Variants in LRBA observed in about 807,000 individuals in gnomAD.
The protein encoded by LRBA is LPS responsive beige-like anchor protein, also known as lipopolysaccharide-responsive and beige-like anchor protein.
Under a neutral mutation model 330.0 loss-of-function variants are expected in LRBA, and 176 were observed. The observed-to-expected ratio is 0.53, with a 90% CI of 0.47 to 0.60. The LOEUF (loss-of-function observed/expected upper bound fraction) is 0.60. Ranked by LOEUF, LRBA falls within the 20% of genes least tolerant of loss-of-function variation. LRBA has a pLI of 0.00. For missense variants in LRBA, 3,259 were observed against 3,444.8 expected (o/e 0.95, Z 1.35); for synonymous variants, 1,230 against 1,193.0 (o/e 1.03, Z -0.64).
intron 47 of LRBA, among the ~76,000 whole-genome samples, chr4:150,357,607 A>G (rs1738041034): frequency 6.6e-6 from 1 of 151,818 alleles, no homozygotes; most frequent in Non-Finnish European, 1.5e-5. Context: ...CAACATACAG[A>G]TATGCTAAAC....
intron 2 of LRBA, among the ~76,000 whole-genome samples, chr4:150,930,686 G>A (rs531342103): frequency 6.6e-6 from 1 of 152,218 alleles, no homozygotes; most frequent in South Asian, 2.1e-4. Flanking sequence ...GAAAAAAATG[G>A]AAATGAACAA....
intron 36 of LRBA, among the ~76,000 whole-genome samples, chr4:150,716,409 G>A (rs1728210363): frequency 6.6e-6 from 1 of 152,210 alleles, no homozygotes; most frequent in East Asian, 1.9e-4. Context: ...AAAGAAAATA[G>A]GGTAAAAAAT....
At chr4:150,411,656 G>A (rs924179620) in intron 47 of LRBA, among the ~76,000 whole-genome samples, 5 of 152,180 alleles carry the variant, frequency 3.3e-5, no homozygotes, top group Non-Finnish European at 7.3e-5. Context: ...GCTATGAGAA[G>A]CCGAAGTATC....
At chr4:150,971,975 C>T (rs1739631799) in intron 2 of LRBA, among the ~76,000 whole-genome samples, 1 of 152,056 alleles carries the variant, frequency 6.6e-6, no homozygotes, top group Non-Finnish European at 1.5e-5. Context: ...GTATAATGTA[C>T]CTCCATTCCA....
At chr4:150,894,697 C>G (rs1271638118) in intron 16 of LRBA, among the ~76,000 whole-genome samples, 1 of 152,146 alleles carries the variant, frequency 6.6e-6, no homozygotes, top group Non-Finnish European at 1.5e-5. Context: ...AGCTAGGACA[C>G]TGAATCATTG....
intron 40 of LRBA, among the ~76,000 whole-genome samples, chr4:150,540,708 A>G (rs1765226771): frequency 6.6e-6 from 1 of 152,190 alleles, no homozygotes; most frequent in Non-Finnish European, 1.5e-5. Context: ...CAACTCAGTG[A>G]TATACATGTG....
chr4:150,385,274 T>G (rs1284997237), intron 47 of LRBA, among the ~76,000 whole-genome samples: 1 of 152,126 alleles, frequency 6.6e-6, no homozygotes, highest in East Asian at 1.9e-4. Flanking sequence ...CAACTCTTTA[T>G]GTAAAAGCAC....
chr4:150,457,573 T>C (rs1478616442), intron 44 of LRBA, among the ~76,000 whole-genome samples: 1 of 151,850 alleles, frequency 6.6e-6, no homozygotes, highest in Non-Finnish European at 1.5e-5. Context: ...AAGATAAGAA[T>C]CAGAAGTTGA....
chr4:150,742,571 A>T (rs1031245177), intron 35 of LRBA, among the ~76,000 whole-genome samples: 1 of 152,144 alleles, frequency 6.6e-6, no homozygotes, highest in Non-Finnish European at 1.5e-5. Flanking sequence ...TCCACAGGGC[A>T]CTTGCCTCAC....
chr4:150,275,133 A>G (rs1429794294), intron 56 of LRBA, among the ~76,000 whole-genome samples: 1 of 152,228 alleles, frequency 6.6e-6, no homozygotes. Context: ...ACATACACAA[A>G]TCAATAAAAG....
intron 50 of LRBA, among the ~76,000 whole-genome samples, chr4:150,316,167 T>A (rs1481453755): frequency 6.6e-6 from 1 of 152,172 alleles, no homozygotes; most frequent in Non-Finnish European, 1.5e-5. Flanking sequence ...ATGTTTTAGT[T>A]AAATGCATTT....
rs768404321 is a variant in LRBA at position 150,652,814 on chromosome 4, G to A, written c.5921+30737C>T. ...AACCATACTAGACTGCACAGTAATC[G>A]AGACTTGATCAAATTGAGGTTAGAC... On this transcript the variant is annotated intron_variant, in intron 37 of 56. Transcript: ENST00000651943. Among the ~76,000 whole-genome samples the A allele has an allele frequency of 5.9e-5, 9 of 152,084 alleles. 1 individual carries two copies. The highest frequency in any genetic ancestry group is 4.2e-4 in the South Asian group (2 of 4,816).
chr4:150,953,775 G>A lies in LRBA; in HGVS notation c.217-24710C>T, dbSNP rs576052439. On this transcript the variant is annotated intron_variant, in intron 2 of 56. Coordinates refer to ENST00000651943, the MANE Select transcript of LRBA (RefSeq NM_001364905.1). ...AGTGCCAAGATTGCAGCCTCTGCCCGGCCGCCACCCCGTCTAGGAAGTGAG... is the reference window on the plus strand; with the variant it reads ...AGTGCCAAGATTGCAGCCTCTGCCCAGCCGCCACCCCGTCTAGGAAGTGAG... Among the ~76,000 whole-genome samples, 106 of 151,546 alleles carry A rather than the reference G, an allele frequency of 7.0e-4. 1 individual carries two copies. In the South Asian group the frequency reaches 7.3e-3, roughly 10 times the overall value.
intron 5 of LRBA, among the ~76,000 whole-genome samples, chr4:150,920,673 A>T (rs1309049292): frequency 1.3e-5 from 2 of 152,236 alleles, no homozygotes; most frequent in Non-Finnish European, 2.9e-5. Context: ...ATTACGAAAC[A>T]TTACAGATAT....
chr4:150,432,743 T>C (rs1197512861), intron 46 of LRBA, among the ~76,000 whole-genome samples: 3 of 152,016 alleles, frequency 2.0e-5, no homozygotes, highest in Non-Finnish European at 4.4e-5. Flanking sequence ...ATCTCTATTA[T>C]AATAATTTAA....
intron 37 of LRBA, among the ~76,000 whole-genome samples, chr4:150,652,919 T>C (rs7669553): frequency 0.06 from 9,198 of 152,260 alleles, 850 homozygotes; most frequent in African/African-American, 0.2. Flanking sequence ...TGTCTATTCA[T>C]TAGGAAAATC....
Position 150,529,785 on chromosome 4 carries a change from C to T in LRBA, c.6331-38750G>A, listed in dbSNP as rs151165895. On this transcript the variant is annotated intron_variant, in intron 40 of 56. Transcript: ENST00000651943. The stretch of plus-strand genomic sequence containing the variant: ...ACAAAGTAGACTGTAACAATCAGTA[C>T]ACTCTTTTCTCTACTTTTTCTTATG... 1.6e-3 allele frequency among the ~76,000 whole-genome samples: 243 copies of T among 151,412 alleles called. 4 individuals carry two copies. Among genetic ancestry groups the T allele is most frequent in the African/African-American group, 5.5e-3 (225 of 41,258 alleles).
chr4:150,477,302 C>T (rs1008044705), intron 42 of LRBA, among the ~76,000 whole-genome samples: 1 of 152,106 alleles, frequency 6.6e-6, no homozygotes, highest in Non-Finnish European at 1.5e-5. Context: ...TCCACTCTCA[C>T]ACTGCTATAA....
At chr4:150,627,343 A>G (rs904951055) in intron 37 of LRBA, among the ~76,000 whole-genome samples, 3 of 152,110 alleles carry the variant, frequency 2.0e-5, no homozygotes, top group African/African-American at 7.2e-5. Flanking sequence ...TACTTTGACA[A>G]AAAAATTCTA....
Sources: gnomAD v4.1 joint callset for allele counts (sites outside exome capture counted in the v4.1 genomes callset) on GRCh38, gnomAD v4.1.1 for gene constraint, MANE v1.5 for transcripts, NCBI Gene and HGNC (gene_info 2026-07-23, HGNC 2026-07-21) for gene names.